Variants in KIF3C observed in about 807,000 individuals in gnomAD.
KIF3C encodes kinesin-like protein KIF3C.
Under a neutral mutation model 67.7 loss-of-function variants are expected in KIF3C, and 12 were observed. That is an observed-to-expected ratio of 0.18 (90% CI 0.11 to 0.29). The LOEUF (loss-of-function observed/expected upper bound fraction) is 0.29. Ranked by LOEUF, KIF3C falls within the 10% of genes least tolerant of loss-of-function variation. The probability of loss-of-function intolerance (pLI) is 1.00; values close to 1 mark genes in which losing one functional copy is unlikely to be tolerated. For missense variants in KIF3C, 789 were observed against 1,059.6 expected (o/e 0.74, Z 3.55); for synonymous variants, 393 against 426.2 (o/e 0.92, Z 0.96).
chr2:25,962,930 TACATATA>T (rs1467636874), intron 1 of KIF3C, among the ~76,000 whole-genome samples: 2 of 41,666 alleles, frequency 4.8e-5, no homozygotes, highest in African/African-American at 3.8e-4. Flanking sequence ...TAATATATAA[TACATATA>T]ATATATAATA....
rs1664625185 is a variant in KIF3C at position 25,982,331 on chromosome 2, T to G, written c.-414A>C. 2.5e-6 allele frequency: 1 copy of G among 398,822 alleles called. No individual in the cohort carries two copies. The highest frequency in any genetic ancestry group is 4.4e-6 in the Non-Finnish European group (1 of 226,408). The allele number at this position is 398,822 out of a possible 1,614,324, so 24.7% of individuals were successfully genotyped here. Reference sequence around the variant, plus strand: ...CTCCTTCCTCTAGGGATCCATAGCGTGGGCTGCCGGTCGTGGGCGGCCGGG... The same window carrying G: ...CTCCTTCCTCTAGGGATCCATAGCGGGGGCTGCCGGTCGTGGGCGGCCGGG... On this transcript the variant is annotated 5_prime_UTR_variant, in exon 1 of 8. Coordinates refer to ENST00000264712, the MANE Select transcript of KIF3C (RefSeq NM_002254.8).
In KIF3C at chr2:25,927,008, T is replaced by C. The variant is rs1024008277; in HGVS notation, c.*1970A>G. ...CAGATCTTACACTGAGTGTAGAGTG[T>C]CCCCTGTGGAGGTAAACACGCACAC... On this transcript the variant is annotated 3_prime_UTR_variant, in exon 8 of 8. Coordinates refer to ENST00000264712, the MANE Select transcript of KIF3C (RefSeq NM_002254.8). 1 of 152,524 alleles carries C rather than the reference T, an allele frequency of 6.6e-6. No homozygotes were observed. The highest frequency in any genetic ancestry group is 1.5e-5 in the Non-Finnish European group (1 of 68,062). 9.4% of individuals were successfully genotyped at this position (152,524 alleles called of 1,614,324 possible). A position where few individuals can be genotyped will look rare whatever the true frequency, so the allele number is the denominator to read the frequency against.
chr2:25,944,798 C>A lies in KIF3C; in HGVS notation c.2006+6991G>T, dbSNP rs564352468. Reference sequence around the variant, plus strand: ...TATACTTAACCATAATTTCGGAAAACCTTGTAAATCTATTTATAGCTTTAA... The same window carrying A: ...TATACTTAACCATAATTTCGGAAAAACTTGTAAATCTATTTATAGCTTTAA... On this transcript the variant is annotated intron_variant, in intron 5 of 7. Transcript: ENST00000264712. Among the ~76,000 whole-genome samples the A allele has an allele frequency of 4.2e-4, 64 of 152,190 alleles. 1 individual carries two copies. Among genetic ancestry groups the A allele is most frequent in the South Asian group, 1.2e-3 (6 of 4,818 alleles).
intron 1 of KIF3C, among the ~76,000 whole-genome samples, chr2:25,962,811 TA>T (rs1663990930): frequency 1.3e-5 from 1 of 78,846 alleles, no homozygotes; most frequent in African/African-American, 6.5e-5. Flanking sequence ...TAATATATAA[TA>T]TATATAATAT....
chr2:25,949,823 T>G (rs1164400952), intron 5 of KIF3C, among the ~76,000 whole-genome samples: 2 of 149,158 alleles, frequency 1.3e-5, no homozygotes, highest in Non-Finnish European at 3.0e-5. Context: ...TACAAAAAAT[T>G]AGCCAGGCGT....
At position 25,936,220 on chromosome 2, in the gene KIF3C, T is replaced by A. The variant is rs528627656; in HGVS notation, c.2007-6157A>T. ...GTTTTTGTTTGTATTTTTAAATTTT[T>A]TGTAGAGATGGGGTCTCGCTATGTT... On this transcript the variant is annotated intron_variant, in intron 5 of 7. Coordinates refer to ENST00000264712, the MANE Select transcript of KIF3C (RefSeq NM_002254.8). 9.2e-5 allele frequency among the ~76,000 whole-genome samples: 14 copies of A among 152,318 alleles called. No homozygotes were observed. In the South Asian group the frequency reaches 2.5e-3, roughly 27 times the overall value.
intron 5 of KIF3C, among the ~76,000 whole-genome samples, chr2:25,943,200 C>T (rs1481170760): frequency 3.9e-5 from 6 of 152,138 alleles, no homozygotes; most frequent in East Asian, 1.9e-4. Flanking sequence ...TTAAGTGATG[C>T]GGCAAGTGGT....
chr2:25,926,734 G>A lies in KIF3C; in HGVS notation c.*2244C>T, dbSNP rs2090413079. On this transcript the variant is annotated 3_prime_UTR_variant, in exon 8 of 8. Transcript: ENST00000264712. ...GCCTCCATCCGAAGCCAAGGGGACA[G>A]AGGGGAATGTTTTATATATATATTT... 1 of 152,206 alleles carries A rather than the reference G, an allele frequency of 6.6e-6. No homozygotes were observed. Among genetic ancestry groups the A allele is most frequent in the Non-Finnish European group, 1.5e-5 (1 of 68,040 alleles). The allele number at this position is 152,206 out of a possible 1,614,324, so 9.4% of individuals were successfully genotyped here.
At chr2:25,951,764 C>A in intron 5 of KIF3C, 25 bp downstream of exon 5, 2 of 1,535,530 alleles carry the variant, frequency 1.3e-6, no homozygotes, top group Non-Finnish European at 1.8e-6. Context: ...GTCCCCCAGC[C>A]CAGACAGCTG....
At chr2:25,929,917 C>T in intron 6 of KIF3C, 38 bp downstream of exon 6, 1 of 1,450,466 alleles carries the variant, frequency 6.9e-7, no homozygotes, top group Non-Finnish European at 9.7e-7. Flanking sequence ...CGCCCGGCCT[C>T]CCTCCCGTAG....
chr2:25,952,559 ATATATT>A (rs1338240862), intron 4 of KIF3C, among the ~76,000 whole-genome samples: 20,063 of 120,994 alleles, frequency 0.17, 1,455 homozygotes, highest in African/African-American at 0.22. Flanking sequence ...GTATATATAT[ATATATT>A]TTTTTTTTTT....
At chr2:25,954,489 GC>G in intron 3 of KIF3C, 104 bp from the exon 4 acceptor site, 1 of 806,750 alleles carries the variant, frequency 1.2e-6, no homozygotes, top group Non-Finnish European at 2.0e-6. Flanking sequence ...TACCGACTCA[GC>G]CCAGGATGAG....
intron 5 of KIF3C, among the ~76,000 whole-genome samples, chr2:25,931,817 C>G (rs543077307): frequency 6.6e-6 from 1 of 151,528 alleles, no homozygotes; most frequent in South Asian, 2.1e-4. Context: ...TTTGTATTTT[C>G]AGTAGAGGAC....
chr2:25,965,018 A>G, intron 1 of KIF3C, among the ~76,000 whole-genome samples: 1 of 152,218 alleles, frequency 6.6e-6, no homozygotes, highest in Non-Finnish European at 1.5e-5. Context: ...CCTGGGCTCC[A>G]TAAAGAGAAT....
At chr2:25,975,054 C>A (rs978403991) in intron 1 of KIF3C, among the ~76,000 whole-genome samples, 1 of 137,574 alleles carries the variant, frequency 7.3e-6, no homozygotes, top group Admixed American at 7.0e-5. Context: ...GACCCAATCT[C>A]CATTTCCAGT....
chr2:25,942,214 T>C (rs1047524028), intron 5 of KIF3C, among the ~76,000 whole-genome samples: 1 of 150,574 alleles, frequency 6.6e-6, no homozygotes, highest in Non-Finnish European at 1.5e-5. Context: ...AAAAATTAGC[T>C]GGGCGTGGTG....
At chr2:25,963,198 T>A (rs11901862) in intron 1 of KIF3C, among the ~76,000 whole-genome samples, 879 of 25,692 alleles carry the variant, frequency 0.034, 21 homozygotes, top group Non-Finnish European at 0.036. Context: ...ATATATATAT[T>A]TTTTTTTTTT....
intron 1 of KIF3C, among the ~76,000 whole-genome samples, chr2:25,963,146 A>G (rs188925026): frequency 0.077 from 7,163 of 92,690 alleles, 541 homozygotes; most frequent in African/African-American, 0.14. Context: ...ATATGCATAT[A>G]TGTGTGTGTG....
At chr2:25,937,952 T>A (rs912578782) in intron 5 of KIF3C, among the ~76,000 whole-genome samples, 4 of 151,532 alleles carry the variant, frequency 2.6e-5, no homozygotes, top group Non-Finnish European at 5.9e-5. Context: ...CTATTCAGGA[T>A]GCTGAGGTGA....
Sources: gnomAD v4.1 joint callset for allele counts (sites outside exome capture counted in the v4.1 genomes callset) on GRCh38, gnomAD v4.1.1 for gene constraint, MANE v1.5 for transcripts, NCBI Gene and HGNC (gene_info 2026-07-23, HGNC 2026-07-21) for gene names.